LRFN5: variants seen among roughly 807,000 people sequenced by gnomAD.
LRFN5 encodes leucine-rich repeat and fibronectin type-III domain-containing protein 5.
In LRFN5, 24 loss-of-function variants were observed where a neutral mutation model predicts 45.6. That is an observed-to-expected ratio of 0.53 (90% CI 0.38 to 0.74). The LOEUF is 0.74. Among genes scored for constraint, LRFN5 ranks in the 30% least tolerant of loss-of-function variants. LRFN5 has a pLI of 0.00. For missense variants in LRFN5, 776 were observed against 861.5 expected (o/e 0.90, Z 1.24); for synonymous variants, 340 against 313.8 (o/e 1.08, Z -0.88).
chr14:41,774,790 G>C (rs1886217625), intron 2 of LRFN5, among the ~76,000 whole-genome samples: 1 of 152,134 alleles, frequency 6.6e-6, no homozygotes, highest in African/African-American at 2.4e-5. Flanking sequence ...GATCATGACA[G>C]AGAGGATACA....
chr14:41,892,074 T>A (rs1345374601), intron 4 of LRFN5, 112 bp downstream of exon 4: 17 of 1,475,302 alleles, frequency 1.2e-5, no homozygotes, highest in Non-Finnish European at 5.4e-6. Flanking sequence ...ACATGTGGAC[T>A]GTTTCCTAAA....
chr14:41,823,817 G>A (rs1197988331), intron 2 of LRFN5, among the ~76,000 whole-genome samples: 3 of 152,058 alleles, frequency 2.0e-5, no homozygotes, highest in East Asian at 3.9e-4. Flanking sequence ...ATGACTCATA[G>A]TTTTGAACAC....
At chr14:41,685,423 T>C (rs1208327497) in intron 1 of LRFN5, among the ~76,000 whole-genome samples, 3 of 152,082 alleles carry the variant, frequency 2.0e-5, no homozygotes, top group Admixed American at 1.3e-4. Context: ...GACAAACAGA[T>C]AGAGAAAAAT....
chr14:41,820,591 T>A (rs1260848558), intron 2 of LRFN5, among the ~76,000 whole-genome samples: 1 of 152,058 alleles, frequency 6.6e-6, no homozygotes, highest in African/African-American at 2.4e-5. Flanking sequence ...TTTGGCTATT[T>A]AGGCTCTTTT....
chr14:41,803,707 A>G (rs1480708970), intron 2 of LRFN5, among the ~76,000 whole-genome samples: 1 of 152,150 alleles, frequency 6.6e-6, no homozygotes, highest in Non-Finnish European at 1.5e-5. Flanking sequence ...TGCTTATAAC[A>G]GTAACTAGAA....
At chr14:41,857,873 G>A (rs1460172236) in intron 2 of LRFN5, among the ~76,000 whole-genome samples, 1 of 152,120 alleles carries the variant, frequency 6.6e-6, no homozygotes, top group Non-Finnish European at 1.5e-5. Flanking sequence ...AAAATAAGAG[G>A]AGAAGAGAAA....
At chr14:41,610,966 T>C (rs1219981844) in intron 1 of LRFN5, among the ~76,000 whole-genome samples, 1 of 152,094 alleles carries the variant, frequency 6.6e-6, no homozygotes, top group East Asian at 1.9e-4. Context: ...CATACCTATC[T>C]AGAGAGTGCA....
At chr14:41,790,060 A>G (rs1322973779) in intron 2 of LRFN5, among the ~76,000 whole-genome samples, 3 of 151,934 alleles carry the variant, frequency 2.0e-5, no homozygotes, top group African/African-American at 7.2e-5. Context: ...CAGTGAATAC[A>G]TCTGAGCCTG....
At chr14:41,849,900 TAAAAG>T (rs1312893465) in intron 2 of LRFN5, among the ~76,000 whole-genome samples, 1 of 151,988 alleles carries the variant, frequency 6.6e-6, no homozygotes. Flanking sequence ...TCAACTTTGT[TAAAAG>T]AAAACTTGTT....
chr14:41,797,837 A>G (rs1475562565), intron 2 of LRFN5, among the ~76,000 whole-genome samples: 2 of 151,856 alleles, frequency 1.3e-5, no homozygotes, highest in Non-Finnish European at 2.9e-5. Flanking sequence ...GAAAATCTCT[A>G]ATTTACTCAG....
intron 2 of LRFN5, among the ~76,000 whole-genome samples, chr14:41,806,388 G>A (rs1887526397): frequency 6.6e-6 from 1 of 152,136 alleles, no homozygotes; most frequent in African/African-American, 2.4e-5. Context: ...AGTGAAAAAT[G>A]TACTAGATGG....
intron 2 of LRFN5, among the ~76,000 whole-genome samples, chr14:41,817,001 T>TTG (rs1429093964): frequency 1.9e-4 from 29 of 150,428 alleles, no homozygotes; most frequent in Admixed American, 1.6e-3. Context: ...GTGGGAAGTT[T>TTG]TTTTTTTTTT....
At chr14:41,773,225 C>T (rs1477874834) in intron 2 of LRFN5, among the ~76,000 whole-genome samples, 1 of 152,140 alleles carries the variant, frequency 6.6e-6, no homozygotes, top group Non-Finnish European at 1.5e-5. Flanking sequence ...TATAATGTCA[C>T]CTCCCACCAT....
At chr14:41,646,716 G>A (rs917582495) in intron 1 of LRFN5, among the ~76,000 whole-genome samples, 1 of 151,794 alleles carries the variant, frequency 6.6e-6, no homozygotes, top group Non-Finnish European at 1.5e-5. Context: ...TACATTTATT[G>A]AGCATTCATG....
Position 41,887,599 on chromosome 14 carries a change from G to A in LRFN5, c.974G>A (p.Gly325Glu). The A allele has an allele frequency of 6.2e-7, 1 of 1,614,170 alleles. No individual in the cohort carries two copies. Among genetic ancestry groups the A allele is most frequent in the Non-Finnish European group, 8.5e-7 (1 of 1,180,040 alleles). Residue 325 changes from glycine (G) to glutamate (E), a missense_variant, in exon 3 of 6, where the codon GGG (glycine) becomes GAG (glutamate). Gly to Glu is a moderately conservative substitution (Grantham distance 98). Around this residue, in one of 2 missense-constraint regions of LRFN5, gnomAD observed 311 missense variants for 405.1 expected, o/e 0.77. Coordinates refer to ENST00000298119, the MANE Select transcript of LRFN5 (RefSeq NM_152447.5). This position sits in a 1 kb window ranked among gnomAD's most constrained non-coding sequence, Gnocchi z 4.8. ...EPAIHWISPEGKLISNATRSL... is the reference protein window; with the variant it reads ...EPAIHWISPEEKLISNATRSL... ...GCAATTCACTGGATTTCTCCTGAAGGGAAGCTTATTTCAAATGCAACAAGA... is the reference window on the plus strand; with the variant it reads ...GCAATTCACTGGATTTCTCCTGAAGAGAAGCTTATTTCAAATGCAACAAGA...
chr14:41,634,437 A>C (rs1025068562), intron 1 of LRFN5, among the ~76,000 whole-genome samples: 12 of 152,304 alleles, frequency 7.9e-5, no homozygotes, highest in African/African-American at 2.6e-4. Flanking sequence ...AAAGCCATAA[A>C]GGCAAATAGC....
intron 1 of LRFN5, among the ~76,000 whole-genome samples, chr14:41,668,417 A>G (rs533965214): frequency 1.3e-5 from 2 of 152,270 alleles, no homozygotes; most frequent in South Asian, 2.1e-4. Flanking sequence ...TCCCTACTTT[A>G]TAACCTTGGA....
At chr14:41,761,663 G>A (rs1885676552) in intron 1 of LRFN5, among the ~76,000 whole-genome samples, 1 of 152,076 alleles carries the variant, frequency 6.6e-6, no homozygotes, top group Admixed American at 6.6e-5. Flanking sequence ...GGATGAAGAT[G>A]TGCCAAAGTT....
chr14:41,704,925 C>T (rs1883002133), intron 1 of LRFN5, among the ~76,000 whole-genome samples: 1 of 151,990 alleles, frequency 6.6e-6, no homozygotes, highest in Non-Finnish European at 1.5e-5. Flanking sequence ...GCTCATCTTC[C>T]AAATGCTCTT....
Sources: allele counts gnomAD v4.1 joint callset (sites outside exome capture counted in the v4.1 genomes callset), GRCh38; gene constraint gnomAD v4.1.1; regional missense constraint gnomAD v4.1.1; non-coding constraint Gnocchi (gnomAD v3.1); transcripts MANE v1.5; gene names NCBI Gene and HGNC (gene_info 2026-07-23, HGNC 2026-07-21).